CWC27: variants seen among roughly 807,000 people sequenced by gnomAD.
CWC27 encodes spliceosome-associated protein CWC27 homolog.
In CWC27, 47 loss-of-function variants were observed where a neutral mutation model predicts 63.6. That is an observed-to-expected ratio of 0.74 (90% CI 0.58 to 0.94). The LOEUF is 0.94. Among genes scored for constraint, CWC27 ranks in the 40% least tolerant of loss-of-function variants. The pLI is 0.00. For missense variants in CWC27, 495 were observed against 554.3 expected (o/e 0.89, Z 1.07); for synonymous variants, 175 against 179.8 (o/e 0.97, Z 0.22).
chr5:64,819,883 T>C (rs1304331928), intron 10 of CWC27, among the ~76,000 whole-genome samples: 3 of 152,340 alleles, frequency 2.0e-5, no homozygotes, highest in African/African-American at 4.8e-5. Context: ...CAGTCTTTGG[T>C]ATTATGGTCA....
At chr5:64,809,181 A>C (rs926336331) in intron 10 of CWC27, among the ~76,000 whole-genome samples, 4 of 152,154 alleles carry the variant, frequency 2.6e-5, no homozygotes, top group Non-Finnish European at 1.5e-5. Context: ...GTAATTGTAT[A>C]TATTTATAGG....
intron 10 of CWC27, among the ~76,000 whole-genome samples, chr5:64,814,905 G>A (rs1744984972): frequency 6.6e-6 from 1 of 152,076 alleles, no homozygotes; most frequent in African/African-American, 2.4e-5. Context: ...ATGGATTTGA[G>A]AGATATTAAG....
At chr5:64,943,156 A>C (rs1748521438) in intron 11 of CWC27, among the ~76,000 whole-genome samples, 1 of 152,224 alleles carries the variant, frequency 6.6e-6, no homozygotes, top group Admixed American at 6.5e-5. Flanking sequence ...CTAGGTGAAA[A>C]AAAAGATGGA....
At chr5:64,773,024 TTAAC>T (rs1408977293) in intron 1 of CWC27, among the ~76,000 whole-genome samples, 1 of 151,978 alleles carries the variant, frequency 6.6e-6, no homozygotes, top group Non-Finnish European at 1.5e-5. Flanking sequence ...AGTATTTAGA[TTAAC>T]TAAACCAGCC....
At chr5:64,800,727 G>A (rs112935601) in intron 8 of CWC27, among the ~76,000 whole-genome samples, 1 of 152,082 alleles carries the variant, frequency 6.6e-6, no homozygotes, top group Non-Finnish European at 1.5e-5. Flanking sequence ...CCAGTTTGGG[G>A]GCCAGTCCAC....
chr5:64,971,843 C>T, intron 12 of CWC27, 31 bp downstream of exon 12: 3 of 1,410,066 alleles, frequency 2.1e-6, no homozygotes, highest in South Asian at 1.3e-5. Flanking sequence ...CCATACAGAA[C>T]TTATTGTCTT....
intron 11 of CWC27, among the ~76,000 whole-genome samples, chr5:64,891,048 C>T (rs1395486262): frequency 6.6e-6 from 1 of 152,042 alleles, no homozygotes; most frequent in South Asian, 2.1e-4. Context: ...ACATAAGAGT[C>T]AAATATTATG....
chr5:64,863,438 C>G (rs1488805606), intron 10 of CWC27, among the ~76,000 whole-genome samples: 2 of 151,820 alleles, frequency 1.3e-5, no homozygotes, highest in Non-Finnish European at 2.9e-5. Context: ...CCCACCTTTC[C>G]TCTCCCCTAC....
intron 7 of CWC27, among the ~76,000 whole-genome samples, chr5:64,793,953 A>G (rs1005641140): frequency 6.6e-6 from 1 of 152,118 alleles, no homozygotes; most frequent in Non-Finnish European, 1.5e-5. Context: ...CCACTCACTT[A>G]TTCATGACAA....
intron 13 of CWC27, among the ~76,000 whole-genome samples, chr5:64,983,376 C>T (rs910042212): frequency 2.0e-5 from 3 of 152,162 alleles, no homozygotes; most frequent in Non-Finnish European, 4.4e-5. Context: ...AAAAATTCCA[C>T]TGTACACTCA....
chr5:64,900,361 T>C (rs564269044), intron 11 of CWC27, among the ~76,000 whole-genome samples: 35 of 152,370 alleles, frequency 2.3e-4, no homozygotes, highest in African/African-American at 7.9e-4. Flanking sequence ...ATATATTCTT[T>C]GGTGCAGTAT....
chr5:64,777,535 T>C (rs756088334), intron 2 of CWC27, among the ~76,000 whole-genome samples: 18 of 152,092 alleles, frequency 1.2e-4, no homozygotes, highest in African/African-American at 4.1e-4. Context: ...AGTCAAAATA[T>C]ATGATAATGC....
intron 10 of CWC27, among the ~76,000 whole-genome samples, chr5:64,831,962 A>G (rs1338051736): frequency 6.6e-6 from 1 of 151,924 alleles, no homozygotes; most frequent in Non-Finnish European, 1.5e-5. Context: ...ACATAGATAT[A>G]TAATGTGAGA....
chr5:64,840,485 T>A (rs1307663410), intron 10 of CWC27, among the ~76,000 whole-genome samples: 2 of 143,894 alleles, frequency 1.4e-5, no homozygotes, highest in Non-Finnish European at 1.5e-5. Flanking sequence ...AAAAAAACTT[T>A]TTTTCTATCT....
intron 11 of CWC27, among the ~76,000 whole-genome samples, chr5:64,901,445 G>A (rs1406646411): frequency 1.5e-4 from 22 of 145,810 alleles, no homozygotes; most frequent in Admixed American, 1.4e-4. Context: ...GTGACAGAGC[G>A]AGACTCCATC....
intron 13 of CWC27, among the ~76,000 whole-genome samples, chr5:64,992,803 G>C (rs1289483447): frequency 1.3e-5 from 2 of 151,918 alleles, no homozygotes; most frequent in East Asian, 3.9e-4. Flanking sequence ...AAAGTGCTGG[G>C]ATTACAGGCG....
chr5:64,944,444 T>G (rs1197526779), intron 11 of CWC27, among the ~76,000 whole-genome samples: 11 of 152,148 alleles, frequency 7.2e-5, no homozygotes, highest in African/African-American at 2.7e-4. Context: ...GGCCTCTAGT[T>G]TTTTCTCTCT....
intron 11 of CWC27, among the ~76,000 whole-genome samples, chr5:64,957,860 G>A (rs976699309): frequency 1.3e-5 from 2 of 152,088 alleles, no homozygotes; most frequent in African/African-American, 4.8e-5. Flanking sequence ...TTCAGAACCT[G>A]TCTTTACTGA....
At chr5:64,929,618 A>G (rs1483282842) in intron 11 of CWC27, among the ~76,000 whole-genome samples, 1 of 152,216 alleles carries the variant, frequency 6.6e-6, no homozygotes, top group African/African-American at 2.4e-5. Context: ...GCTCAGCATC[A>G]TTAGCGATCA....
Sources: allele counts gnomAD v4.1 joint callset (sites outside exome capture counted in the v4.1 genomes callset), GRCh38; gene constraint gnomAD v4.1.1; transcripts MANE v1.5; gene names NCBI Gene and HGNC (gene_info 2026-07-23, HGNC 2026-07-21).